The following PTN variants were observed in gnomAD, a reference collection of about 807,000 sequenced individuals.
PTN encodes pleiotrophin, also known as heparin affin regulatory protein.
In PTN, 18 loss-of-function variants were observed where a neutral mutation model predicts 24.1. That is an observed-to-expected ratio of 0.75 (90% confidence interval 0.52 to 1.11). The LOEUF (loss-of-function observed/expected upper bound fraction) is 1.11, where lower values mean the gene tolerates loss of function less well. Ranked by LOEUF, PTN falls within the 50% of genes least tolerant of loss-of-function variation. PTN has a pLI of 0.00. For synonymous variants in PTN, 78 were observed against 68.6 expected (o/e 1.14, Z -0.67); for missense variants, 163 against 198.8 (o/e 0.82, Z 1.08).
At chr7:137,334,692 G>A (rs1172279228) in intron 1 of PTN, among the ~76,000 whole-genome samples, 14 of 142,706 alleles carry the variant, frequency 9.8e-5, no homozygotes, top group Admixed American at 9.3e-4. Flanking sequence ...CCCATTACTG[G>A]GTATATACCC....
intron 1 of PTN, among the ~76,000 whole-genome samples, chr7:137,336,566 G>A (rs947653861): frequency 4.6e-5 from 7 of 152,152 alleles, no homozygotes; most frequent in South Asian, 2.1e-4. Flanking sequence ...CACATGCTCC[G>A]TATGTTTTCT....
chr7:137,333,282 C>A (rs1810390584), intron 1 of PTN, among the ~76,000 whole-genome samples: 1 of 152,196 alleles, frequency 6.6e-6, no homozygotes, highest in Non-Finnish European at 1.5e-5. Context: ...AAACTTTCAG[C>A]CAGCAGAATC....
chr7:137,307,259 T>C (rs1809904033), intron 1 of PTN, among the ~76,000 whole-genome samples: 1 of 152,136 alleles, frequency 6.6e-6, no homozygotes, highest in Non-Finnish European at 1.5e-5. Flanking sequence ...GCACAGCATC[T>C]GACAGCTGTT....
intron 1 of PTN, among the ~76,000 whole-genome samples, chr7:137,302,857 T>A (rs1244194914): frequency 6.6e-6 from 1 of 151,996 alleles, no homozygotes; most frequent in African/African-American, 2.4e-5. Flanking sequence ...CTCAAAAGTC[T>A]ATCAGTTCAG....
intron 4 of PTN, among the ~76,000 whole-genome samples, chr7:137,244,763 G>T (rs1421467607): frequency 6.6e-6 from 1 of 151,986 alleles, no homozygotes; most frequent in African/African-American, 2.4e-5. Flanking sequence ...GCAGACTGAG[G>T]CTAGAGTGTG....
chr7:137,252,462 A>G (rs1808845448), intron 3 of PTN, among the ~76,000 whole-genome samples: 1 of 151,848 alleles, frequency 6.6e-6, no homozygotes, highest in South Asian at 2.1e-4. Context: ...AATATTCTCA[A>G]TGTAAGTCTT....
intron 1 of PTN, among the ~76,000 whole-genome samples, chr7:137,305,459 C>T (rs1207296129): frequency 6.6e-6 from 1 of 152,060 alleles, no homozygotes; most frequent in Non-Finnish European, 1.5e-5. Context: ...ACATCATCTA[C>T]ACCATTAGGG....
intron 1 of PTN, among the ~76,000 whole-genome samples, chr7:137,309,095 G>A (rs1809936630): frequency 1.3e-5 from 2 of 152,140 alleles, no homozygotes; most frequent in South Asian, 4.1e-4. Context: ...GGAAACTGAT[G>A]TACGGCCATA....
chr7:137,314,016 T>C (rs2031440828), intron 1 of PTN, among the ~76,000 whole-genome samples: 1 of 152,140 alleles, frequency 6.6e-6, no homozygotes, highest in Admixed American at 6.6e-5. Flanking sequence ...TAATCTCACC[T>C]ATTTTATTTT....
chr7:137,296,756 T>C (rs1251737858), intron 1 of PTN, among the ~76,000 whole-genome samples: 1 of 152,032 alleles, frequency 6.6e-6, no homozygotes, highest in Non-Finnish European at 1.5e-5. Context: ...CCACACCACT[T>C]AGCCCATAAT....
chr7:137,254,295 CA>C (rs202195331), intron 2 of PTN, among the ~76,000 whole-genome samples: 20,119 of 98,568 alleles, frequency 0.2, 1,527 homozygotes, highest in East Asian at 0.41. Context: ...GACTCCAACT[CA>C]AAAAAAAAAA....
At chr7:137,314,516 G>A (rs1269590358) in intron 1 of PTN, among the ~76,000 whole-genome samples, 3 of 151,100 alleles carry the variant, frequency 2.0e-5, no homozygotes, top group Non-Finnish European at 4.4e-5. Context: ...AAGGGAAATT[G>A]TATATACAGA....
intron 1 of PTN, among the ~76,000 whole-genome samples, chr7:137,266,129 AGAG>A: frequency 6.6e-6 from 1 of 152,186 alleles, no homozygotes; most frequent in Non-Finnish European, 1.5e-5. Flanking sequence ...TTTTTGTTAA[AGAG>A]GAGATTGGTG....
intron 1 of PTN, among the ~76,000 whole-genome samples, chr7:137,267,288 G>T (rs1438265184): frequency 6.3e-5 from 9 of 143,326 alleles, no homozygotes; most frequent in African/African-American, 1.9e-4. Context: ...CTCTTCCTCT[G>T]TGTCTTTTCC....
chr7:137,299,963 C>G (rs1809780372), intron 1 of PTN, among the ~76,000 whole-genome samples: 1 of 151,882 alleles, frequency 6.6e-6, no homozygotes, highest in Non-Finnish European at 1.5e-5. Flanking sequence ...GTTTAAAATT[C>G]TTTCACGGAA....
intron 4 of PTN, among the ~76,000 whole-genome samples, chr7:137,234,738 T>C (rs1210840576): frequency 1.3e-5 from 2 of 152,214 alleles, no homozygotes; most frequent in South Asian, 2.1e-4. Flanking sequence ...CTTATCTCAT[T>C]TTCTCAGTAA....
chr7:137,331,699 C>T (rs1318132829), intron 1 of PTN, among the ~76,000 whole-genome samples: 2 of 152,240 alleles, frequency 1.3e-5, no homozygotes, highest in Non-Finnish European at 2.9e-5. Flanking sequence ...AACTCCAAAG[C>T]TTCTCAGGCT....
intron 1 of PTN, among the ~76,000 whole-genome samples, chr7:137,340,733 G>A (rs1810520425): frequency 6.6e-6 from 1 of 152,172 alleles, no homozygotes; most frequent in Admixed American, 6.5e-5. Flanking sequence ...AACATCACTA[G>A]CAAAGCTATG....
intron 1 of PTN, among the ~76,000 whole-genome samples, chr7:137,268,911 T>C (rs1392824529): frequency 6.6e-6 from 1 of 152,262 alleles, no homozygotes; most frequent in Non-Finnish European, 1.5e-5. Context: ...TAATTTGTGA[T>C]GCTCTTTTAC....
Sources: allele counts gnomAD v4.1 joint callset (sites outside exome capture counted in the v4.1 genomes callset), GRCh38; gene constraint gnomAD v4.1.1; transcripts MANE v1.5; gene names NCBI Gene and HGNC (gene_info 2026-07-23, HGNC 2026-07-21).